The following FABP4 variants were observed in gnomAD, a reference collection of about 807,000 sequenced individuals.
The protein encoded by FABP4 is fatty acid binding protein 4, also known as fatty acid-binding protein, adipocyte.
Under a neutral mutation model 14.6 loss-of-function variants are expected in FABP4, and 17 were observed. The ratio of observed to expected loss-of-function variants is 1.16; its 90% CI spans 0.80 to 1.74. The LOEUF (loss-of-function observed/expected upper bound fraction) is 1.74, where lower values mean the gene tolerates loss of function less well. Ranked by LOEUF, FABP4 falls within the 40% of genes most tolerant of loss-of-function variation. The pLI, the probability that FABP4 is intolerant of heterozygous loss-of-function variation, is 0.00. For synonymous variants in FABP4, 54 were observed against 54.6 expected, an observed-to-expected ratio of 0.99 and a Z score of 0.05; for missense variants, 149 against 160.3, an observed-to-expected ratio of 0.93 and a Z score of 0.38.
intron 2 of FABP4, 81 bp from the exon 3 acceptor site, chr8:81,479,596 A>C (rs1808036993): frequency 1.0e-6 from 1 of 953,048 alleles, no homozygotes; most frequent in Non-Finnish European, 1.7e-6. Flanking sequence ...TGTTCAAAGG[A>C]ATATTTTGAG....
In FABP4 at chr8:81,478,777, G is replaced by A; in HGVS notation, c.*88C>T. ...AAAATTAGTTGCTTGCTAAATCATGGAAAACAACAATATCTTTTTGAACAA... is the reference window on the plus strand; with the variant it reads ...AAAATTAGTTGCTTGCTAAATCATGAAAAACAACAATATCTTTTTGAACAA... On this transcript the variant is annotated 3_prime_UTR_variant, in exon 4 of 4. Coordinates refer to ENST00000256104, the MANE Select transcript of FABP4 (RefSeq NM_001442.3). The A allele has an allele frequency of 1.6e-6, 2 of 1,240,680 alleles. No individual in the cohort carries two copies. The highest frequency in any genetic ancestry group is 2.3e-6 in the Non-Finnish European group (2 of 879,490). The allele number at this position is 1,240,680 out of a possible 1,614,324, so 76.9% of individuals were successfully genotyped here. A position where few individuals can be genotyped will look rare whatever the true frequency, so the allele number is the denominator to read the frequency against.
chr8:81,480,352 C>G (rs1808058095), intron 2 of FABP4, 74 bp downstream of exon 2: 4 of 1,395,722 alleles, frequency 2.9e-6, no homozygotes, highest in Non-Finnish European at 3.9e-6. Flanking sequence ...CTCCTTTTAT[C>G]ATAAAATGAT....
At position 81,483,219 on chromosome 8, in the gene FABP4, T is replaced by C. The variant is rs1808107671; in HGVS notation, c.-52A>G. 1 of 1,459,618 alleles carries C rather than the reference T, an allele frequency of 6.9e-7. No homozygotes were observed. The allele number at this position is 1,459,618 out of a possible 1,614,324, so 90.4% of individuals were successfully genotyped here. On this transcript the variant is annotated 5_prime_UTR_variant, in exon 1 of 4. Transcript: ENST00000256104. ...CAAGGTGAGAAGGAAGCTGCAGTTTTCAGGAGGGTGCTGTGACCCTCTTGA... is the reference window on the plus strand; with the variant it reads ...CAAGGTGAGAAGGAAGCTGCAGTTTCCAGGAGGGTGCTGTGACCCTCTTGA...
chr8:81,481,802 C>T (rs1808082705), intron 1 of FABP4, among the ~76,000 whole-genome samples: 1 of 152,050 alleles, frequency 6.6e-6, no homozygotes, highest in African/African-American at 2.4e-5. Context: ...GAATGACTGA[C>T]CTTGGGAAAA....
Position 81,478,917 on chromosome 8 carries a change from T to C in FABP4, c.349-2A>G, listed in dbSNP as rs112410061. 1 of 1,612,652 alleles carries C rather than the reference T, an allele frequency of 6.2e-7. No individual in the cohort carries two copies. The highest frequency in any genetic ancestry group is 8.5e-7 in the Non-Finnish European group (1 of 1,179,106). On this transcript the variant is annotated splice_acceptor_variant, in intron 3 of 3. Coordinates refer to ENST00000256104, the MANE Select transcript of FABP4 (RefSeq NM_001442.3). LOFTEE classifies it high-confidence loss of function. ...AGTGACGCCTTTCATGACGCATTCC[T>C]AGACACAAAAAACAATTCTTGGTCA...
intron 1 of FABP4, among the ~76,000 whole-genome samples, chr8:81,481,053 C>A (rs138708379): frequency 3.3e-4 from 50 of 152,250 alleles, no homozygotes; most frequent in African/African-American, 1.2e-3. Context: ...GGCACAAAGA[C>A]AGAATTTTCA....
rs758584181 is a variant in FABP4 at position 81,479,487 on chromosome 8, A to G, written c.275T>C (p.Leu92Pro). 8.1e-6 allele frequency: 13 copies of G among 1,613,368 alleles called. No homozygotes were observed. Among genetic ancestry groups the G allele is most frequent in the Admixed American group, 3.3e-5 (2 of 59,962 alleles). Residue 92 changes from leucine to proline, a missense_variant, in exon 3 of 4, where the codon CTG becomes CCG. Coordinates refer to ENST00000256104, the MANE Select transcript of FABP4 (RefSeq NM_001442.3). ...KSTITLDGGVLVHVQKWDGKS... is the reference protein window; with the variant it reads ...KSTITLDGGVPVHVQKWDGKS... Reference sequence around the variant, plus strand: ...TCCATCCCATTTCTGCACATGTACCAGGACACCCCCATCTAAGGTTATGGT... The same window carrying G: ...TCCATCCCATTTCTGCACATGTACCGGGACACCCCCATCTAAGGTTATGGT...
chr8:81,479,567 A>G (rs1808036373), intron 2 of FABP4, 52 bp from the exon 3 acceptor site: 1 of 1,352,796 alleles, frequency 7.4e-7, no homozygotes, highest in Non-Finnish European at 1.1e-6. Context: ...GCAGAAAAAA[A>G]TTTAAAATAG....
Position 81,478,782 on chromosome 8 carries a change from C to G in FABP4, c.*83G>C. 1 of 1,273,162 alleles carries G rather than the reference C, an allele frequency of 7.9e-7. No individual in the cohort carries two copies. 78.9% of individuals were successfully genotyped at this position (1,273,162 alleles called of 1,614,324 possible). On this transcript the variant is annotated 3_prime_UTR_variant, in exon 4 of 4. Transcript: ENST00000256104. ...TAGTTGCTTGCTAAATCATGGAAAA[C>G]AACAATATCTTTTTGAACAATATAT...
chr8:81,479,677 T>C (rs1563527807), intron 2 of FABP4, 162 bp from the exon 3 acceptor site: 8 of 539,160 alleles, frequency 1.5e-5, no homozygotes, highest in Non-Finnish European at 2.6e-5. Context: ...AACAACAACA[T>C]AACCACTTAT....
At chr8:81,482,913 T>C (rs1224211238) in intron 1 of FABP4, among the ~76,000 whole-genome samples, 182 bp downstream of exon 1, 1 of 152,194 alleles carries the variant, frequency 6.6e-6, no homozygotes, top group Non-Finnish European at 1.5e-5. Flanking sequence ...AGTTGTAGCT[T>C]TGGTTCAGAA....
Position 81,483,133 on chromosome 8 carries a change from A to G in FABP4, c.35T>C (p.Val12Ala). ...CDAFVGTWKL[V>A]SSENFDDYMK... The stretch of plus-strand genomic sequence containing the variant: ...ATAATCATCAAAGTTTTCACTGGAG[A>G]CAAGTTTCCAGGTACCTACAAAAGC... Residue 12 changes from valine (V) to alanine (A), a missense_variant, in exon 1 of 4, where the codon GTC becomes GCC. Val to Ala is a moderately conservative substitution (Grantham distance 64). Coordinates refer to ENST00000256104, the MANE Select transcript of FABP4 (RefSeq NM_001442.3). 6.2e-7 allele frequency: 1 copy of G among 1,610,336 alleles called. No individual in the cohort carries two copies. The highest frequency in any genetic ancestry group is 8.5e-7 in the Non-Finnish European group (1 of 1,178,306).
At chr8:81,480,913 T>C (rs1451825787) in intron 1 of FABP4, among the ~76,000 whole-genome samples, 1 of 152,110 alleles carries the variant, frequency 6.6e-6, no homozygotes, top group Non-Finnish European at 1.5e-5. Flanking sequence ...TCAACAAAAA[T>C]ATGTATAAAG....
chr8:81,482,278 C>T (rs1014450618), intron 1 of FABP4, among the ~76,000 whole-genome samples: 9 of 152,118 alleles, frequency 5.9e-5, no homozygotes, highest in African/African-American at 2.2e-4. Context: ...CCAGTTCTGA[C>T]TTTATTGGAC....
In FABP4 at chr8:81,478,699, A is replaced by G; in HGVS notation, c.*166T>C. The G allele has an allele frequency of 1.8e-6, 1 of 547,008 alleles. No homozygotes were observed. The highest frequency in any genetic ancestry group is 2.9e-5 in the East Asian group (1 of 34,106). 33.9% of individuals were successfully genotyped at this position (547,008 alleles called of 1,614,324 possible). Reference sequence around the variant, plus strand: ...CATCATTACATCACCTTCTAAATCTAAAAAAAGTTTATTTAACCAACGTAA... The same window carrying G: ...CATCATTACATCACCTTCTAAATCTGAAAAAAGTTTATTTAACCAACGTAA... On this transcript the variant is annotated 3_prime_UTR_variant, in exon 4 of 4. Transcript: ENST00000256104.
At position 81,479,411 on chromosome 8, in the gene FABP4, C is replaced by T. The variant is rs113040553; in HGVS notation, c.348+3G>A. On this transcript the variant is annotated splice_donor_region_variant and intron_variant, in intron 3 of 3. Transcript: ENST00000256104. ...CAGAATTAAGTAGCTAGAAGATACT[C>T]ACCACCACCAGTTTATCATCCTCTC... 2.5e-6 allele frequency: 4 copies of T among 1,608,192 alleles called. No homozygotes were observed. Among genetic ancestry groups the T allele is most frequent in the East Asian group, 2.2e-5 (1 of 44,844 alleles).
chr8:81,479,305 T>C, intron 3 of FABP4, 109 bp downstream of exon 3: 1 of 878,828 alleles, frequency 1.1e-6, no homozygotes, highest in East Asian at 2.5e-5. Context: ...AATAAAATCC[T>C]CTTTTTGTTT....
chr8:81,479,540 A>G, intron 2 of FABP4, 25 bp from the exon 3 acceptor site: 2 of 1,583,358 alleles, frequency 1.3e-6, no homozygotes, highest in Non-Finnish European at 1.7e-6. Flanking sequence ...AAATGTAATG[A>G]CAATGTGCAG....
intron 2 of FABP4, 136 bp downstream of exon 2, chr8:81,480,290 C>A: frequency 1.3e-6 from 1 of 772,176 alleles, no homozygotes; most frequent in East Asian, 2.7e-5. Flanking sequence ...TAAGGAAACA[C>A]AGTTTAGATG....
Sources: allele counts gnomAD v4.1 joint callset (sites outside exome capture counted in the v4.1 genomes callset), GRCh38; gene constraint gnomAD v4.1.1; transcripts MANE v1.5; gene names NCBI Gene and HGNC (gene_info 2026-07-23, HGNC 2026-07-21).